PHACTR1: variants seen among roughly 807,000 people sequenced by gnomAD.
PHACTR1 encodes RPEL repeat containing 1.
A neutral mutation model predicts 69.2 loss-of-function variants in PHACTR1; 16 were observed. That is an observed-to-expected ratio of 0.23 (90% CI 0.16 to 0.35). The LOEUF (loss-of-function observed/expected upper bound fraction) is 0.35, where lower values mean the gene tolerates loss of function less well. Among genes scored for constraint, PHACTR1 ranks in the 10% least tolerant of loss-of-function variants. The probability of loss-of-function intolerance (pLI) is 1.00; values close to 1 mark genes in which losing one functional copy is unlikely to be tolerated. For missense variants in PHACTR1, 510 were observed against 734.7 expected, an observed-to-expected ratio of 0.69 and a Z score of 3.54; for synonymous variants, 312 against 284.5, an observed-to-expected ratio of 1.10 and a Z score of -0.97.
intron 3 of PHACTR1, among the ~76,000 whole-genome samples, chr6:12,748,058 GA>G (rs1033135394): frequency 6.6e-6 from 1 of 152,172 alleles, no homozygotes; most frequent in Non-Finnish European, 1.5e-5. Context: ...GACATGGATA[GA>G]AGGCTTTTAA....
At chr6:12,975,278 A>G (rs1425585862) in intron 4 of PHACTR1, among the ~76,000 whole-genome samples, 1 of 152,214 alleles carries the variant, frequency 6.6e-6, no homozygotes, top group African/African-American at 2.4e-5. Context: ...TATCTCCATG[A>G]TGGACATGGA....
chr6:12,936,931 A>AT (rs918367523), intron 4 of PHACTR1, among the ~76,000 whole-genome samples: 2 of 152,040 alleles, frequency 1.3e-5, no homozygotes, highest in African/African-American at 2.4e-5. Flanking sequence ...CTCATTGACT[A>AT]TTTTTTTAAA....
Position 13,283,177 on chromosome 6 carries a change from G to C in PHACTR1, c.1510-245G>C, listed in dbSNP as rs1372064310. 6 of 373,730 alleles carry C rather than the reference G, an allele frequency of 1.6e-5. No homozygotes were observed. Among genetic ancestry groups the C allele is most frequent in the Non-Finnish European group, 4.7e-6 (1 of 211,104 alleles). 23.2% of individuals were successfully genotyped at this position (373,730 alleles called of 1,614,324 possible). ...TAAGTTTAAAAAAAAAAAGAGCTTGGCCTAGAGGGTATGTAAGGGATAACA... is the reference window on the plus strand; with the variant it reads ...TAAGTTTAAAAAAAAAAAGAGCTTGCCCTAGAGGGTATGTAAGGGATAACA... On this transcript the variant is annotated intron_variant, in intron 12 of 14. Coordinates refer to ENST00000332995, the MANE Select transcript of PHACTR1 (RefSeq NM_030948.6). This position sits in a 1 kb window ranked among gnomAD's most constrained non-coding sequence, Gnocchi z 4.7.
intron 4 of PHACTR1, among the ~76,000 whole-genome samples, chr6:13,038,287 G>A (rs997191773): frequency 2.0e-5 from 3 of 152,140 alleles, no homozygotes; most frequent in African/African-American, 7.2e-5. Flanking sequence ...TTCTGGGCTG[G>A]AAATATAAAT....
At chr6:13,194,886 G>T (rs1257403655) in intron 7 of PHACTR1, among the ~76,000 whole-genome samples, 3 of 152,108 alleles carry the variant, frequency 2.0e-5, no homozygotes, top group African/African-American at 7.2e-5. Flanking sequence ...TGGCCCTTGA[G>T]GTTATGATTC....
intron 3 of PHACTR1, among the ~76,000 whole-genome samples, chr6:12,741,923 T>G (rs545000735): frequency 6.6e-6 from 1 of 152,344 alleles, no homozygotes; most frequent in East Asian, 1.9e-4. Context: ...TTAGGTCTTC[T>G]TAATCTTTTT....
At chr6:12,759,153 T>G in intron 4 of PHACTR1, among the ~76,000 whole-genome samples, 1 of 147,184 alleles carries the variant, frequency 6.8e-6, no homozygotes, top group African/African-American at 2.5e-5. Context: ...AAAGAATGGC[T>G]GGAACTCACT....
At chr6:12,927,434 T>TA (rs35966773) in intron 4 of PHACTR1, among the ~76,000 whole-genome samples, 3 of 151,996 alleles carry the variant, frequency 2.0e-5, no homozygotes, top group Non-Finnish European at 2.9e-5. Flanking sequence ...GTATAAGCAT[T>TA]AAAAAAATCT....
At chr6:12,858,077 T>C (rs1780582362) in intron 4 of PHACTR1, among the ~76,000 whole-genome samples, 1 of 152,128 alleles carries the variant, frequency 6.6e-6, no homozygotes, top group African/African-American at 2.4e-5. Flanking sequence ...ATATGCAATC[T>C]CCCTGCAACA....
chr6:12,996,956 A>ATC (rs1797485782), intron 4 of PHACTR1, among the ~76,000 whole-genome samples: 2 of 152,138 alleles, frequency 1.3e-5, no homozygotes, highest in Non-Finnish European at 2.9e-5. Flanking sequence ...ACCTGAGGTC[A>ATC]GGAGTTTGAG....
At chr6:13,091,343 C>G (rs1384537665) in intron 5 of PHACTR1, among the ~76,000 whole-genome samples, 4 of 152,054 alleles carry the variant, frequency 2.6e-5, no homozygotes, top group African/African-American at 9.7e-5. Flanking sequence ...AGTAACGTCC[C>G]CAAGATGACT....
At chr6:12,865,134 C>A (rs1363594775) in intron 4 of PHACTR1, among the ~76,000 whole-genome samples, 1 of 152,124 alleles carries the variant, frequency 6.6e-6, no homozygotes, top group African/African-American at 2.4e-5. Flanking sequence ...CCCAGGAAAA[C>A]CCCCAGTCCC....
chr6:12,949,905 G>A (rs1289926827), intron 4 of PHACTR1, among the ~76,000 whole-genome samples: 3 of 152,164 alleles, frequency 2.0e-5, no homozygotes, highest in Non-Finnish European at 2.9e-5. Flanking sequence ...CCCCACGGCT[G>A]ATAGAATGAC....
At chr6:13,126,226 C>A (rs1021786540) in intron 5 of PHACTR1, among the ~76,000 whole-genome samples, 1 of 152,026 alleles carries the variant, frequency 6.6e-6, no homozygotes, top group Non-Finnish European at 1.5e-5. Context: ...GGCAAAAGTA[C>A]TGCATTTACA....
intron 4 of PHACTR1, among the ~76,000 whole-genome samples, chr6:12,871,250 T>C (rs1317144641): frequency 6.6e-6 from 1 of 152,166 alleles, no homozygotes; most frequent in African/African-American, 2.4e-5. Context: ...CTTTGGGACA[T>C]AAGTATGGAT....
intron 4 of PHACTR1, among the ~76,000 whole-genome samples, chr6:12,842,004 A>G (rs1778746825): frequency 6.6e-6 from 1 of 152,196 alleles, no homozygotes; most frequent in South Asian, 2.1e-4. Context: ...ACTCAAAACA[A>G]TCATGTTATT....
intron 4 of PHACTR1, among the ~76,000 whole-genome samples, chr6:12,898,901 T>C (rs1784937031): frequency 6.6e-6 from 1 of 152,182 alleles, no homozygotes; most frequent in East Asian, 1.9e-4. Context: ...TGCAGTTCCT[T>C]CAACTTGCCT....
At position 12,812,552 on chromosome 6, in the gene PHACTR1, A is replaced by G. The variant is rs547034276; in HGVS notation, c.250+62762A>G. Reference sequence around the variant, plus strand: ...ACCACCCAACAAGGCCTAGGATCCAAATTCCTGACCCCAAGCCCAGTGTTT... The same window carrying G: ...ACCACCCAACAAGGCCTAGGATCCAGATTCCTGACCCCAAGCCCAGTGTTT... On this transcript the variant is annotated intron_variant, in intron 4 of 14. Coordinates refer to ENST00000332995, the MANE Select transcript of PHACTR1 (RefSeq NM_030948.6). 4.6e-5 allele frequency among the ~76,000 whole-genome samples: 7 copies of G among 152,332 alleles called. No individual in the cohort carries two copies. In the South Asian group the frequency reaches 1.5e-3, roughly 32 times the overall value.
At chr6:13,190,436 T>G (rs1056813655) in intron 7 of PHACTR1, among the ~76,000 whole-genome samples, 28 of 152,038 alleles carry the variant, frequency 1.8e-4, no homozygotes, top group Middle Eastern at 3.2e-3. Flanking sequence ...TACAGTCACA[T>G]TGGGGGTGAG....
Sources: gnomAD v4.1 joint callset for allele counts (sites outside exome capture counted in the v4.1 genomes callset) on GRCh38, gnomAD v4.1.1 for gene constraint, Gnocchi (gnomAD v3.1) non-coding constraint, MANE v1.5 for transcripts, NCBI Gene and HGNC (gene_info 2026-07-23, HGNC 2026-07-21) for gene names.